The following COMMD1 variants were observed in gnomAD, a reference collection of about 807,000 sequenced individuals.
The protein encoded by COMMD1 is COMM domain-containing protein 1.
COMMD1 carries 10 observed loss-of-function variants against 17.2 expected under a neutral mutation model. The ratio of observed to expected loss-of-function variants is 0.58; its 90% CI spans 0.36 to 0.99. The LOEUF is 0.99. Ranked by LOEUF, COMMD1 falls within the 50% of genes least tolerant of loss-of-function variation. The pLI, the probability that COMMD1 is intolerant of heterozygous loss-of-function variation, is 0.01. For missense variants in COMMD1, 270 were observed against 231.8 expected, an observed-to-expected ratio of 1.17 and a Z score of -1.07; for synonymous variants, 97 against 91.6, an observed-to-expected ratio of 1.06 and a Z score of -0.34.
chr2:61,998,434 AT>A, intron 1 of COMMD1, among the ~76,000 whole-genome samples: 1 of 151,716 alleles, frequency 6.6e-6, no homozygotes, highest in East Asian at 1.9e-4. Context: ...TAATTTTTGT[AT>A]TTTTAGTAGA....
At chr2:62,003,914 GGTCAGGA>G (rs1490769041) in intron 2 of COMMD1, among the ~76,000 whole-genome samples, 1 of 152,076 alleles carries the variant, frequency 6.6e-6, no homozygotes, top group Non-Finnish European at 1.5e-5. Context: ...GATCACTTGA[GGTCAGGA>G]GTTTGAGACC....
At chr2:62,051,794 A>G (rs908023578) in intron 2 of COMMD1, among the ~76,000 whole-genome samples, 12 of 152,328 alleles carry the variant, frequency 7.9e-5, no homozygotes, top group Admixed American at 3.9e-4. Flanking sequence ...TGTTCAGTAA[A>G]GCATGTTAAT....
At chr2:62,116,996 CA>C (rs11350513) in intron 2 of COMMD1, among the ~76,000 whole-genome samples, 43,714 of 100,878 alleles carry the variant, frequency 0.43, 6,593 homozygotes, top group African/African-American at 0.49. Flanking sequence ...AACTTCGTCT[CA>C]AAAAAAAAAA....
chr2:62,125,739 G>T (rs1045657341), intron 2 of COMMD1, among the ~76,000 whole-genome samples: 1 of 152,054 alleles, frequency 6.6e-6, no homozygotes, highest in Non-Finnish European at 1.5e-5. Context: ...CAGTTGTCCA[G>T]GACTTTTGAT....
intron 2 of COMMD1, among the ~76,000 whole-genome samples, chr2:62,098,314 A>G (rs1672073787): frequency 6.6e-6 from 1 of 151,808 alleles, no homozygotes; most frequent in African/African-American, 2.4e-5. Flanking sequence ...ATGCGCCACC[A>G]CACCCAGCTA....
chr2:61,897,577 G>A (rs1041900305), intron 1 of COMMD1, among the ~76,000 whole-genome samples: 7 of 152,034 alleles, frequency 4.6e-5, no homozygotes, highest in Admixed American at 6.6e-5. Flanking sequence ...ATGAAATCCC[G>A]TCTGTACTAA....
At position 62,006,350 on chromosome 2, in the gene COMMD1, A is replaced by T. The variant is rs186460336; in HGVS notation, c.462+5368A>T. Among the ~76,000 whole-genome samples, 853 of 151,982 alleles carry T rather than the reference A, an allele frequency of 5.6e-3. 4 individuals carry two copies. The highest frequency in any genetic ancestry group is 0.01 in the Middle Eastern group (3 of 294). On this transcript the variant is annotated intron_variant, in intron 2 of 2. Transcript: ENST00000311832. ...ACCCTAAAACTTAAAGTATAATAAT[A>T]ATTAAAAAAAAAAAGAAAATTGGAA...
chr2:61,958,074 T>C (rs1671241984), intron 1 of COMMD1, among the ~76,000 whole-genome samples: 1 of 152,168 alleles, frequency 6.6e-6, no homozygotes, highest in South Asian at 2.1e-4. Flanking sequence ...AGGTTTGTTA[T>C]ATAGGTAAAC....
chr2:61,997,664 C>A (rs912947321), intron 1 of COMMD1, among the ~76,000 whole-genome samples: 3 of 152,104 alleles, frequency 2.0e-5, no homozygotes, highest in Non-Finnish European at 4.4e-5. Context: ...CTTTGTTGTT[C>A]CATTTATAGA....
At chr2:62,011,352 C>T (rs1345327410) in intron 2 of COMMD1, among the ~76,000 whole-genome samples, 1 of 152,184 alleles carries the variant, frequency 6.6e-6, no homozygotes, top group Non-Finnish European at 1.5e-5. Context: ...GGGACTGTGT[C>T]CCTTTACAGT....
intron 2 of COMMD1, among the ~76,000 whole-genome samples, chr2:62,010,162 G>A (rs534161147): frequency 1.6e-4 from 24 of 152,044 alleles, no homozygotes; most frequent in South Asian, 1.2e-3. Context: ...ATTTATTCTC[G>A]TTTTAAATAA....
chr2:62,042,525 G>A (rs1000937156), intron 2 of COMMD1, among the ~76,000 whole-genome samples: 4 of 152,118 alleles, frequency 2.6e-5, no homozygotes, highest in Non-Finnish European at 5.9e-5. Flanking sequence ...GGGCCGTGCC[G>A]AGTGCAGGGC....
intron 2 of COMMD1, among the ~76,000 whole-genome samples, chr2:62,004,227 AC>A (rs1669046068): frequency 6.6e-6 from 1 of 152,242 alleles, no homozygotes; most frequent in African/African-American, 2.4e-5. Flanking sequence ...AGTTTATTGT[AC>A]ATCACATACT....
chr2:62,103,474 A>C (rs1247450880), intron 2 of COMMD1, among the ~76,000 whole-genome samples: 1 of 152,208 alleles, frequency 6.6e-6, no homozygotes, highest in Non-Finnish European at 1.5e-5. Flanking sequence ...CTTGGCCCCT[A>C]CAGTATGTGG....
intron 2 of COMMD1, among the ~76,000 whole-genome samples, chr2:62,123,902 A>G (rs1672821933): frequency 6.6e-6 from 1 of 152,012 alleles, no homozygotes; most frequent in African/African-American, 2.4e-5. Flanking sequence ...TGAGGGCAGT[A>G]GTCCTGGTCA....
At chr2:61,905,918 ACT>A in intron 1 of COMMD1, 60 bp downstream of exon 1, 2 of 1,547,926 alleles carry the variant, frequency 1.3e-6, no homozygotes, top group Non-Finnish European at 1.8e-6. Flanking sequence ...CTGGCTTCAG[ACT>A]CTCCCCCCCT....
chr2:61,952,877 T>A (rs1353757958), intron 1 of COMMD1, among the ~76,000 whole-genome samples: 1 of 152,200 alleles, frequency 6.6e-6, no homozygotes, highest in East Asian at 1.9e-4. Context: ...TAATGGAAAG[T>A]GTATGTTCAA....
intron 1 of COMMD1, among the ~76,000 whole-genome samples, chr2:61,975,705 C>A (rs560497610): frequency 6.6e-6 from 1 of 152,122 alleles, no homozygotes; most frequent in Non-Finnish European, 1.5e-5. Context: ...AAAAATTTCT[C>A]TAGACTTCTT....
intron 1 of COMMD1, among the ~76,000 whole-genome samples, chr2:61,986,741 G>A (rs1672115622): frequency 6.6e-6 from 1 of 151,460 alleles, no homozygotes; most frequent in Non-Finnish European, 1.5e-5. Context: ...GCTAATTTTT[G>A]TATTTTTATT....
Sources: allele counts gnomAD v4.1 joint callset (sites outside exome capture counted in the v4.1 genomes callset), GRCh38; gene constraint gnomAD v4.1.1; transcripts MANE v1.5; gene names NCBI Gene and HGNC (gene_info 2026-07-23, HGNC 2026-07-21).